The following WASF1 variants were observed in gnomAD, a reference collection of about 807,000 sequenced individuals.
The protein encoded by WASF1 is WASP family member 1, also known as actin-binding protein WASF1.
Under a neutral mutation model 50.5 loss-of-function variants are expected in WASF1, and 7 were observed. The observed-to-expected ratio is 0.14, with a 90% CI of 0.08 to 0.26. The LOEUF (loss-of-function observed/expected upper bound fraction) is 0.26. WASF1 is among the 10% of genes least tolerant of loss of function. WASF1 has a pLI of 1.00. For missense variants in WASF1, 470 were observed against 694.7 expected, an observed-to-expected ratio of 0.68 and a Z score of 3.64; for synonymous variants, 205 against 244.0, an observed-to-expected ratio of 0.84 and a Z score of 1.49.
chr6:110,177,340 A>G (rs1051565647), intron 2 of WASF1, among the ~76,000 whole-genome samples: 3 of 152,082 alleles, frequency 2.0e-5, no homozygotes, highest in African/African-American at 7.2e-5. Flanking sequence ...ATTAACTGTA[A>G]TAACCTTTAT....
At chr6:110,126,963 T>C (rs959698052) in intron 4 of WASF1, among the ~76,000 whole-genome samples, 2 of 152,168 alleles carry the variant, frequency 1.3e-5, no homozygotes, top group African/African-American at 2.4e-5. Context: ...TCCTGACTTA[T>C]ATCCTAATGT....
rs143742209 is a variant in WASF1 at position 110,108,577 on chromosome 6, A to G, written c.373T>C (p.Tyr125His). Residue 125 changes from tyrosine to histidine, a missense_variant, in exon 6 of 11, where the codon TAC becomes CAC. Physicochemically the swap from Tyr to His is moderately conservative, Grantham distance 83. Around this residue, in one of 3 missense-constraint regions of WASF1, gnomAD observed 140 missense variants for 260.5 expected, o/e 0.54. Coordinates refer to ENST00000392589, the MANE Select transcript of WASF1 (RefSeq NM_003931.3). ...GGTGGAGGCTGTTCACAAACATCGT[A>G]CGTCTCCTGTAATGGAATAGGCAAA... ...KTLPIPLQET[Y>H]DVCEQPPPLN... The G allele has an allele frequency of 7.0e-5, 113 of 1,613,974 alleles. No homozygotes were observed. The highest frequency in any genetic ancestry group is 9.4e-5 in the Non-Finnish European group (111 of 1,179,962).
chr6:110,105,630 A>G (rs775676871), intron 7 of WASF1, 51 bp from the exon 8 acceptor site: 40 of 1,558,470 alleles, frequency 2.6e-5, no homozygotes, highest in Non-Finnish European at 3.3e-5. Context: ...CTAATTTTTA[A>G]AAAGGAGGTT....
intron 4 of WASF1, among the ~76,000 whole-genome samples, chr6:110,116,746 A>G (rs1159378792): frequency 1.3e-5 from 2 of 152,154 alleles, no homozygotes; most frequent in African/African-American, 2.4e-5. Context: ...ACCCCCGTGT[A>G]GCCTGACTGG....
intron 3 of WASF1, among the ~76,000 whole-genome samples, chr6:110,128,627 A>G (rs1774517840): frequency 6.6e-6 from 1 of 152,234 alleles, no homozygotes; most frequent in East Asian, 1.9e-4. Flanking sequence ...ACTGCCCAAC[A>G]CCATGATTCA....
At chr6:110,150,092 T>C (rs115053195) in intron 3 of WASF1, among the ~76,000 whole-genome samples, 9,637 of 152,234 alleles carry the variant, frequency 0.063, 372 homozygotes, top group African/African-American at 0.12. Flanking sequence ...TAAAAGATTT[T>C]CAATGGTATT....
intron 2 of WASF1, among the ~76,000 whole-genome samples, chr6:110,166,196 A>G (rs1776471271): frequency 6.6e-6 from 1 of 151,720 alleles, no homozygotes; most frequent in Non-Finnish European, 1.5e-5. Flanking sequence ...GTCTTGGATC[A>G]GGAAACCAGG....
chr6:110,138,837 G>A (rs540526245), intron 3 of WASF1, among the ~76,000 whole-genome samples: 16 of 152,312 alleles, frequency 1.1e-4, no homozygotes, highest in Middle Eastern at 3.4e-3. Flanking sequence ...AGTTCTCACT[G>A]TGGTCCACAG....
At chr6:110,137,840 T>A (rs1449667550) in intron 3 of WASF1, among the ~76,000 whole-genome samples, 3 of 152,220 alleles carry the variant, frequency 2.0e-5, no homozygotes, top group African/African-American at 7.2e-5. Context: ...TTACTGTAAC[T>A]CATAAACCAG....
chr6:110,134,482 T>G (rs1258967920), intron 3 of WASF1, among the ~76,000 whole-genome samples: 3 of 151,828 alleles, frequency 2.0e-5, no homozygotes, highest in Non-Finnish European at 4.4e-5. Flanking sequence ...TGGAGTGCGG[T>G]GGCACGATCT....
At chr6:110,162,643 G>C (rs1056502975) in intron 2 of WASF1, among the ~76,000 whole-genome samples, 1 of 151,190 alleles carries the variant, frequency 6.6e-6, no homozygotes, top group Non-Finnish European at 1.5e-5. Flanking sequence ...CGTATCAACA[G>C]GCTAAAGAAG....
intron 2 of WASF1, among the ~76,000 whole-genome samples, chr6:110,175,722 T>TA (rs1290851440): frequency 6.6e-6 from 1 of 152,140 alleles, no homozygotes; most frequent in Non-Finnish European, 1.5e-5. Flanking sequence ...AATGTAAGCC[T>TA]ATGCCACTCA....
chr6:110,148,445 A>G (rs1406473479), intron 3 of WASF1, among the ~76,000 whole-genome samples: 1 of 152,168 alleles, frequency 6.6e-6, no homozygotes, highest in Admixed American at 6.5e-5. Flanking sequence ...TAATATTTAA[A>G]TTAAGAACAA....
intron 3 of WASF1, among the ~76,000 whole-genome samples, chr6:110,155,442 A>C (rs1776017913): frequency 6.6e-6 from 1 of 151,944 alleles, no homozygotes; most frequent in Non-Finnish European, 1.5e-5. Context: ...TTTGAACAGA[A>C]AAAAAATCTT....
intron 5 of WASF1, among the ~76,000 whole-genome samples, chr6:110,111,689 A>G (rs1312662679): frequency 6.6e-6 from 1 of 152,200 alleles, no homozygotes; most frequent in Non-Finnish European, 1.5e-5. Flanking sequence ...TTCATATGAA[A>G]TATCCATACA....
chr6:110,176,013 C>CT (rs1776912708), intron 2 of WASF1, among the ~76,000 whole-genome samples: 1 of 151,920 alleles, frequency 6.6e-6, no homozygotes, highest in South Asian at 2.1e-4. Flanking sequence ...GTCTGTGACT[C>CT]TAACCACTAA....
intron 3 of WASF1, among the ~76,000 whole-genome samples, chr6:110,154,673 T>C (rs1775978437): frequency 1.3e-5 from 2 of 152,088 alleles, no homozygotes; most frequent in Admixed American, 6.6e-5. Flanking sequence ...ATCCTAACTA[T>C]ACACCTGAAT....
intron 3 of WASF1, among the ~76,000 whole-genome samples, chr6:110,150,359 TC>T (rs1461223058): frequency 6.6e-6 from 1 of 152,082 alleles, no homozygotes; most frequent in Non-Finnish European, 1.5e-5. Flanking sequence ...GAGAATGAAA[TC>T]AAAACCAGCT....
At chr6:110,140,854 G>T (rs1389140169) in intron 3 of WASF1, among the ~76,000 whole-genome samples, 1 of 152,118 alleles carries the variant, frequency 6.6e-6, no homozygotes, top group Non-Finnish European at 1.5e-5. Context: ...GTTAAGCTAT[G>T]TCAGAAGGAG....
Sources: gnomAD v4.1 joint callset for allele counts (sites outside exome capture counted in the v4.1 genomes callset) on GRCh38, gnomAD v4.1.1 for gene constraint, gnomAD v4.1.1 regional missense constraint, MANE v1.5 for transcripts, NCBI Gene and HGNC (gene_info 2026-07-23, HGNC 2026-07-21) for gene names.